Variants in CDH13 observed in about 807,000 individuals in gnomAD.
CDH13 encodes the protein cadherin 13.
In CDH13, 24 loss-of-function variants were observed where a neutral mutation model predicts 63.8. The ratio of observed to expected loss-of-function variants is 0.38; its 90% CI spans 0.27 to 0.53. CDH13 has a LOEUF of 0.53. Among genes scored for constraint, CDH13 ranks in the 20% least tolerant of loss-of-function variants. The pLI, the probability that CDH13 is intolerant of heterozygous loss-of-function variation, is 0.85. For missense variants in CDH13, 1,049 were observed against 903.1 expected (o/e 1.16, Z -2.07); for synonymous variants, 503 against 355.3 (o/e 1.42, Z -4.67).
At chr16:82,887,660 A>G (rs977105396) in intron 2 of CDH13, among the ~76,000 whole-genome samples, 1 of 152,186 alleles carries the variant, frequency 6.6e-6, no homozygotes, top group African/African-American at 2.4e-5. Flanking sequence ...ATCTCTATTA[A>G]AAATACAAAA....
chr16:83,481,268 G>A (rs533384812), intron 6 of CDH13, among the ~76,000 whole-genome samples: 2 of 152,294 alleles, frequency 1.3e-5, no homozygotes, highest in South Asian at 4.1e-4. Flanking sequence ...TCGCTTATAG[G>A]AATAGCATTT....
At chr16:83,214,579 C>CAAAAA (rs751124100) in intron 4 of CDH13, among the ~76,000 whole-genome samples, 671 of 39,780 alleles carry the variant, frequency 0.017, 168 homozygotes, top group South Asian at 0.045. Flanking sequence ...GACTCTGTCT[C>CAAAAA]AAAAAAAAAA....
chr16:82,867,885 T>A (rs543965895), intron 2 of CDH13, among the ~76,000 whole-genome samples: 1 of 152,348 alleles, frequency 6.6e-6, no homozygotes, highest in Admixed American at 6.5e-5. Flanking sequence ...CAAGCTGACT[T>A]AGGCTTTTAT....
intron 2 of CDH13, among the ~76,000 whole-genome samples, chr16:82,930,207 C>T (rs1162519415): frequency 6.6e-6 from 1 of 151,944 alleles, no homozygotes; most frequent in Admixed American, 6.6e-5. Context: ...GAACTCCTGG[C>T]CTTAAGAGAT....
Position 83,610,153 on chromosome 16 carries a change from T to C in CDH13, c.1101+7559T>C, listed in dbSNP as rs202107329. Among the ~76,000 whole-genome samples, 15 of 152,294 alleles carry C rather than the reference T, an allele frequency of 9.8e-5. No individual in the cohort carries two copies. The East Asian group carries it at 1.7e-3, about 18-fold the overall frequency. On this transcript the variant is annotated intron_variant, in intron 8 of 13. Transcript: ENST00000567109. ...TTTAGGCAGTTTCAGTTTTTGGCTATTGTGAGTAACGCTGCTGTGAACATT... is the reference window on the plus strand; with the variant it reads ...TTTAGGCAGTTTCAGTTTTTGGCTACTGTGAGTAACGCTGCTGTGAACATT...
chr16:83,695,715 T>C (rs1905308967), intron 10 of CDH13, among the ~76,000 whole-genome samples: 1 of 152,158 alleles, frequency 6.6e-6, no homozygotes, highest in East Asian at 1.9e-4. Flanking sequence ...AAAAGGCAGA[T>C]GTGAACAGTA....
intron 10 of CDH13, among the ~76,000 whole-genome samples, chr16:83,695,642 G>A (rs562672676): frequency 3.9e-5 from 6 of 152,308 alleles, no homozygotes; most frequent in Admixed American, 1.3e-4. Flanking sequence ...AAATAGTTAT[G>A]TTTAAAATGA....
intron 8 of CDH13, among the ~76,000 whole-genome samples, chr16:83,627,794 A>G (rs1910448070): frequency 6.6e-6 from 1 of 152,182 alleles, no homozygotes; most frequent in Non-Finnish European, 1.5e-5. Context: ...CGTAAAGTGA[A>G]AGCAAGTTTT....
At chr16:83,070,860 C>G (rs1028314825) in intron 3 of CDH13, among the ~76,000 whole-genome samples, 1 of 141,772 alleles carries the variant, frequency 7.1e-6, no homozygotes, top group South Asian at 2.5e-4. Context: ...AAACAGCCCC[C>G]CCCCCCCCAA....
intron 1 of CDH13, among the ~76,000 whole-genome samples, chr16:82,846,660 A>T (rs2039269296): frequency 6.6e-6 from 1 of 152,234 alleles, no homozygotes; most frequent in Non-Finnish European, 1.5e-5. Context: ...ATAGTCACAT[A>T]GGTTGTAGTT....
chr16:83,309,352 C>T (rs973917186), intron 5 of CDH13, among the ~76,000 whole-genome samples: 5 of 151,162 alleles, frequency 3.3e-5, no homozygotes, highest in African/African-American at 1.2e-4. Flanking sequence ...GGGTCCAGGT[C>T]AGTCTCTGGA....
intron 1 of CDH13, among the ~76,000 whole-genome samples, chr16:82,727,072 T>G (rs188782913): frequency 6.6e-6 from 1 of 152,230 alleles, no homozygotes; most frequent in East Asian, 1.9e-4. Context: ...AAACTGTCAT[T>G]TGGCAAGGGG....
At chr16:83,527,692 AAGCAAATGCTG>A (rs1307256564) in intron 7 of CDH13, among the ~76,000 whole-genome samples, 61 of 152,164 alleles carry the variant, frequency 4.0e-4, no homozygotes, top group Non-Finnish European at 7.8e-4. Flanking sequence ...AGGACCCAGT[AAGCAAATGCTG>A]AGACAACACC....
intron 6 of CDH13, among the ~76,000 whole-genome samples, chr16:83,364,643 G>A (rs563315801): frequency 6.6e-6 from 1 of 152,260 alleles, no homozygotes; most frequent in East Asian, 1.9e-4. Flanking sequence ...GTTAGTCTAG[G>A]GACCAGTGAA....
intron 4 of CDH13, among the ~76,000 whole-genome samples, chr16:83,199,300 A>G (rs540726077): frequency 8.5e-4 from 130 of 152,338 alleles, no homozygotes; most frequent in Non-Finnish European, 1.6e-3. Context: ...TGAAGCCTGG[A>G]AATAATCAGC....
intron 10 of CDH13, among the ~76,000 whole-genome samples, chr16:83,718,979 G>T (rs779340997): frequency 1.3e-5 from 2 of 152,178 alleles, no homozygotes; most frequent in Non-Finnish European, 2.9e-5. Flanking sequence ...TTGGCTGCTG[G>T]TGCAAGTTCT....
chr16:83,117,899 T>C (rs2035385878), intron 3 of CDH13, among the ~76,000 whole-genome samples: 1 of 152,034 alleles, frequency 6.6e-6, no homozygotes, highest in Non-Finnish European at 1.5e-5. Flanking sequence ...TCCCCTGAGA[T>C]TGGGAAACAG....
intron 3 of CDH13, among the ~76,000 whole-genome samples, chr16:83,109,264 G>C (rs2034943775): frequency 6.6e-6 from 1 of 152,150 alleles, no homozygotes; most frequent in Admixed American, 6.5e-5. Flanking sequence ...GGTGGAATCT[G>C]TAGGACTTGG....
chr16:83,008,587 G>A (rs9939677), intron 2 of CDH13, among the ~76,000 whole-genome samples: 56,640 of 151,952 alleles, frequency 0.37, 10,769 homozygotes, highest in Middle Eastern at 0.43. Context: ...TTCAGTAGAC[G>A]AGTGACACAA....
Sources: allele counts gnomAD v4.1 joint callset (sites outside exome capture counted in the v4.1 genomes callset), GRCh38; gene constraint gnomAD v4.1.1; transcripts MANE v1.5; gene names NCBI Gene and HGNC (gene_info 2026-07-23, HGNC 2026-07-21).